The following CNTN4 variants were observed in gnomAD, a reference collection of about 807,000 sequenced individuals.
CNTN4 encodes contactin 4, also known as contactin-4.
In CNTN4, 77 loss-of-function variants were observed where a neutral mutation model predicts 122.5. The ratio of observed to expected loss-of-function variants is 0.63; its 90% CI spans 0.52 to 0.76. The LOEUF (loss-of-function observed/expected upper bound fraction) is 0.76, where lower values mean the gene tolerates loss of function less well. CNTN4 is among the 30% of genes least tolerant of loss of function. The probability of loss-of-function intolerance (pLI) is 0.00; values close to 1 mark genes in which losing one functional copy is unlikely to be tolerated. For missense variants in CNTN4, 1,256 were observed against 1,259.1 expected, an observed-to-expected ratio of 1.00 and a Z score of 0.04; for synonymous variants, 512 against 447.0, an observed-to-expected ratio of 1.15 and a Z score of -1.83.
chr3:2,403,953 T>C (rs2046943424), intron 3 of CNTN4, among the ~76,000 whole-genome samples: 1 of 152,216 alleles, frequency 6.6e-6, no homozygotes, highest in Admixed American at 6.5e-5. Flanking sequence ...TGGAACTACA[T>C]AGTGGACCCT....
At chr3:2,313,602 T>A (rs1223106113) in intron 2 of CNTN4, among the ~76,000 whole-genome samples, 1 of 151,966 alleles carries the variant, frequency 6.6e-6, no homozygotes, top group Non-Finnish European at 1.5e-5. Flanking sequence ...GGGCCGGAGG[T>A]GGGGTGGTGA....
At position 2,435,390 on chromosome 3, in the gene CNTN4, A is replaced by G. The variant is rs538268519; in HGVS notation, c.-89+96157A>G. On this transcript the variant is annotated intron_variant, in intron 3 of 24. Transcript: ENST00000418658. ...ATAATACCTAATACAGTGTAATTCT[A>G]TGTAAATAGTTGTTGTACCATTTAG... Among the ~76,000 whole-genome samples the G allele has an allele frequency of 1.5e-4, 23 of 152,242 alleles. No homozygotes were observed. In the South Asian group the frequency reaches 4.4e-3, roughly 29 times the overall value.
intron 3 of CNTN4, among the ~76,000 whole-genome samples, chr3:2,415,505 A>C (rs1255446445): frequency 2.0e-5 from 3 of 152,176 alleles, no homozygotes; most frequent in Non-Finnish European, 4.4e-5. Context: ...ATTTCCAGGG[A>C]CAGGGATGTA....
intron 13 of CNTN4, among the ~76,000 whole-genome samples, chr3:2,968,573 A>C (rs1692560742): frequency 6.6e-6 from 1 of 152,234 alleles, no homozygotes; most frequent in Non-Finnish European, 1.5e-5. Context: ...ATTGTAAGTC[A>C]GAAAAAACTT....
At chr3:2,359,140 C>T (rs766568011) in intron 3 of CNTN4, among the ~76,000 whole-genome samples, 5 of 152,060 alleles carry the variant, frequency 3.3e-5, no homozygotes, top group Non-Finnish European at 5.9e-5. Flanking sequence ...CTGTGACAGC[C>T]CTCTCATATG....
chr3:2,443,958 A>T (rs1476357846), intron 3 of CNTN4, among the ~76,000 whole-genome samples: 4 of 152,094 alleles, frequency 2.6e-5, no homozygotes. Flanking sequence ...TATCGGATAA[A>T]CCAATTTTGA....
At chr3:2,921,093 A>G (rs1465690327) in intron 12 of CNTN4, among the ~76,000 whole-genome samples, 2 of 152,214 alleles carry the variant, frequency 1.3e-5, no homozygotes, top group African/African-American at 2.4e-5. Flanking sequence ...GCTGCAGTGT[A>G]GTGGTGTGAG....
At chr3:2,378,344 C>G (rs2045898145) in intron 3 of CNTN4, among the ~76,000 whole-genome samples, 1 of 152,114 alleles carries the variant, frequency 6.6e-6, no homozygotes, top group Admixed American at 6.5e-5. Flanking sequence ...GGGAAAGAAC[C>G]CATAGCAGCT....
chr3:2,792,741 C>T (rs2092051191), intron 6 of CNTN4, among the ~76,000 whole-genome samples: 2 of 152,150 alleles, frequency 1.3e-5, no homozygotes, highest in South Asian at 4.1e-4. Context: ...CAGTATCTTC[C>T]CACCCTTGTG....
intron 6 of CNTN4, among the ~76,000 whole-genome samples, chr3:2,765,786 C>T (rs1003085815): frequency 1.3e-5 from 2 of 152,152 alleles, no homozygotes; most frequent in Non-Finnish European, 2.9e-5. Context: ...TTCAAGAAAT[C>T]TTCATATGCC....
intron 3 of CNTN4, among the ~76,000 whole-genome samples, chr3:2,543,266 G>C (rs984987051): frequency 2.6e-5 from 4 of 152,086 alleles, no homozygotes; most frequent in African/African-American, 7.2e-5. Flanking sequence ...GCTTGAAAGA[G>C]TTACCAGGTG....
chr3:2,399,170 C>A (rs1215271864), intron 3 of CNTN4, among the ~76,000 whole-genome samples: 1 of 152,022 alleles, frequency 6.6e-6, no homozygotes, highest in African/African-American at 2.4e-5. Context: ...CACCCAATAT[C>A]TGTGTCAGTT....
At chr3:2,764,077 C>T (rs111440082) in intron 6 of CNTN4, among the ~76,000 whole-genome samples, 1,523 of 151,938 alleles carry the variant, frequency 0.01, 23 homozygotes, top group African/African-American at 0.034. Context: ...GAGGAGAAAA[C>T]ATAGACTGTA....
In CNTN4 at chr3:2,279,970, TAGAG is replaced by T. The variant is rs1481696492; in HGVS notation, c.-144-59200_-144-59197del. 7.5e-5 allele frequency among the ~76,000 whole-genome samples: 11 copies of T among 147,264 alleles called. 1 individual carries two copies. The highest frequency in any genetic ancestry group is 1.4e-4 in the Non-Finnish European group (9 of 64,912). ...TAGATATATATCTAGCTCTTATATATAGAGAGAGAGATAGATATAGAGCTAGGTA... is the reference window on the plus strand; with the variant it reads ...TAGATATATATCTAGCTCTTATATATAGAGAGATAGATATAGAGCTAGGTA... On this transcript the variant is annotated intron_variant, in intron 2 of 24. Transcript: ENST00000418658.
At chr3:2,148,730 T>C (rs865892397) in intron 2 of CNTN4, among the ~76,000 whole-genome samples, 1 of 152,142 alleles carries the variant, frequency 6.6e-6, no homozygotes, top group African/African-American at 2.4e-5. Context: ...TGAATGTTAA[T>C]GCGTCCCTCC....
intron 8 of CNTN4, among the ~76,000 whole-genome samples, chr3:2,870,837 C>T (rs1037598191): frequency 5.3e-5 from 8 of 152,172 alleles, no homozygotes; most frequent in Non-Finnish European, 1.2e-4. Context: ...GCTAAGCAGT[C>T]TGGACTATGA....
Position 3,038,976 on chromosome 3 carries a change from C to T in CNTN4, c.2136C>T (p.Ser712=). 6.2e-7 allele frequency: 1 copy of T among 1,614,014 alleles called. No homozygotes were observed. The highest frequency in any genetic ancestry group is 8.5e-7 in the Non-Finnish European group (1 of 1,179,914). The change falls in exon 19 of 25, where the codon AGC becomes AGT. Residue 712 remains serine (S), a synonymous_variant. Coordinates refer to ENST00000418658, the MANE Select transcript of CNTN4 (RefSeq NM_175607.3). The part of the protein sequence containing the change: ...TPANVSGGGG[S]KSELVITWET... ...CGAATGTCAGTGGTGGCGGAGGCAG[C>T]AAATCTGAACTGGTTATAACCTGGG...
intron 3 of CNTN4, among the ~76,000 whole-genome samples, chr3:2,436,272 C>G (rs1218330693): frequency 2.0e-5 from 3 of 152,020 alleles, no homozygotes; most frequent in Non-Finnish European, 4.4e-5. Flanking sequence ...TATTATTACT[C>G]AAGATGTACA....
At chr3:2,804,443 A>G (rs1203750574) in intron 6 of CNTN4, among the ~76,000 whole-genome samples, 1 of 152,220 alleles carries the variant, frequency 6.6e-6, no homozygotes, top group Non-Finnish European at 1.5e-5. Context: ...CAGTTTCCTT[A>G]TCTATAAAAA....
Sources: allele counts gnomAD v4.1 joint callset (sites outside exome capture counted in the v4.1 genomes callset), GRCh38; gene constraint gnomAD v4.1.1; transcripts MANE v1.5; gene names NCBI Gene and HGNC (gene_info 2026-07-23, HGNC 2026-07-21).